EML5: variants seen among roughly 807,000 people sequenced by gnomAD.
EML5 encodes echinoderm microtubule-associated protein-like 5.
A neutral mutation model predicts 250.0 loss-of-function variants in EML5; 120 were observed. That is an observed-to-expected ratio of 0.48 (90% confidence interval 0.41 to 0.56). EML5 has a LOEUF of 0.56. Among genes scored for constraint, EML5 ranks in the 20% least tolerant of loss-of-function variants. The pLI is 0.00. For synonymous variants in EML5, 771 were observed against 806.5 expected (o/e 0.96, Z 0.75); for missense variants, 2,006 against 2,437.6 (o/e 0.82, Z 3.73).
intron 7 of EML5, among the ~76,000 whole-genome samples, chr14:88,729,525 A>G (rs1442530068): frequency 6.6e-6 from 1 of 152,120 alleles, no homozygotes; most frequent in African/African-American, 2.4e-5. Flanking sequence ...CTGTAAATAA[A>G]GTTTTATGGA....
rs140639130 is a variant in EML5, at chr14:88,615,946, T to C, written c.5898-92A>G. The stretch of plus-strand genomic sequence containing the variant: ...TTTTCAGTTGTGCTTTCAGGTTACA[T>C]GTGTAATATTTTTCCTCTTTAACTC... On this transcript the variant is annotated intron_variant, in intron 43 of 43. Coordinates refer to ENST00000554922, the MANE Select transcript of EML5 (RefSeq NM_183387.3). 292 of 1,427,450 alleles carry C rather than the reference T, an allele frequency of 2.0e-4. No individual in the cohort carries two copies. The African/African-American group carries it at 3.8e-3, about 19-fold the overall frequency. 88.4% of individuals were successfully genotyped at this position (1,427,450 alleles called of 1,614,324 possible). A position where few individuals can be genotyped will look rare whatever the true frequency, so the allele number is the denominator to read the frequency against.
intron 1 of EML5, among the ~76,000 whole-genome samples, chr14:88,766,803 A>G (rs2094326240): frequency 6.6e-6 from 1 of 152,108 alleles, no homozygotes; most frequent in South Asian, 2.1e-4. Context: ...TGTCTCCCCC[A>G]GACACCCAGC....
Position 88,684,978 on chromosome 14 carries a change from T to C in EML5, c.2982+37A>G, listed in dbSNP as rs74793307. The C allele has an allele frequency of 4.1e-3, 6,423 of 1,568,096 alleles. 196 individuals carry two copies. The African/African-American group carries it at 0.068, about 16-fold the overall frequency. On this transcript the variant is annotated intron_variant, in intron 20 of 43. Coordinates refer to ENST00000554922, the MANE Select transcript of EML5 (RefSeq NM_183387.3). ...TTATATATTGAAATAATCAATTGTA[T>C]GTAAAGAAAAAAAAACAAATTAGCA...
chr14:88,740,700 A>G, intron 4 of EML5, 128 bp from the exon 5 acceptor site: 1 of 741,294 alleles, frequency 1.3e-6, no homozygotes, highest in East Asian at 2.7e-5. Flanking sequence ...CTTATGATAA[A>G]ATAGCATTCA....
At chr14:88,695,543 AT>A in intron 15 of EML5, 89 bp from the exon 16 acceptor site, 1 of 1,207,562 alleles carries the variant, frequency 8.3e-7, no homozygotes, top group East Asian at 2.6e-5. Context: ...CACATCCTAT[AT>A]TTAAAATTTG....
intron 32 of EML5, among the ~76,000 whole-genome samples, chr14:88,638,597 T>C (rs1244926198): frequency 6.6e-6 from 1 of 152,218 alleles, no homozygotes; most frequent in Non-Finnish European, 1.5e-5. Context: ...CCTTTAAATT[T>C]TGGATTGTCA....
Position 88,695,578 on chromosome 14 carries a change from C to T in EML5, c.2345-124G>A, listed in dbSNP as rs528725156. 39 of 877,188 alleles carry T rather than the reference C, an allele frequency of 4.4e-5. No individual in the cohort carries two copies. In the East Asian group the frequency reaches 8.6e-4, roughly 19 times the overall value. 54.3% of individuals were successfully genotyped at this position (877,188 alleles called of 1,614,324 possible). On this transcript the variant is annotated intron_variant, in intron 15 of 43. Transcript: ENST00000554922. The stretch of plus-strand genomic sequence containing the variant: ...TGATAAAATAATGTTAAATGTTAGG[C>T]ATGCATACACCTATAAAAAGAACCA...
rs772301117 is a variant in EML5, at chr14:88,738,952, A to G, written c.774T>C (p.Cys258=). ...TAAAAGTTAAATCCCAAAGACGAAT[A>G]CAACCATCTCTGCCACCAGTAGCAA... ...EGFATGGRDG[C]IRLWDLTFKP... is the part of the protein sequence containing the mutation. Residue 258 remains cysteine (C), a synonymous_variant, in exon 6 of 44, where the codon TGT becomes TGC. Transcript: ENST00000554922. The G allele has an allele frequency of 1.2e-6, 2 of 1,607,720 alleles. No homozygotes were observed. The highest frequency in any genetic ancestry group is 1.7e-4 in the Middle Eastern group (1 of 6,058).
chr14:88,638,693 C>T (rs1388594025), intron 32 of EML5, 116 bp downstream of exon 32: 1 of 876,032 alleles, frequency 1.1e-6, no homozygotes, highest in Non-Finnish European at 1.8e-6. Flanking sequence ...TTTATGTATA[C>T]ATAGATTTTG....
chr14:88,685,213 T>C (rs2141211806), intron 19 of EML5, 71 bp from the exon 20 acceptor site: 2 of 1,292,144 alleles, frequency 1.5e-6, no homozygotes, highest in South Asian at 1.8e-5. Context: ...ATATTGCCAA[T>C]TAAGCTATTT....
chr14:88,750,896 CACAAG>C (rs944363822), intron 2 of EML5, among the ~76,000 whole-genome samples: 3 of 152,156 alleles, frequency 2.0e-5, no homozygotes, highest in African/African-American at 7.2e-5. Context: ...GTTAAAATTT[CACAAG>C]ACAAGTATAT....
chr14:88,658,793 AAAGT>A (rs1198313762), intron 25 of EML5, among the ~76,000 whole-genome samples: 3 of 151,110 alleles, frequency 2.0e-5, no homozygotes, highest in Admixed American at 1.3e-4. Context: ...TTAAATGTTC[AAAGT>A]AATAGTTAAT....
chr14:88,687,573 C>G (rs2092861525), intron 18 of EML5, among the ~76,000 whole-genome samples: 1 of 152,020 alleles, frequency 6.6e-6, no homozygotes, highest in South Asian at 2.1e-4. Flanking sequence ...TTTCTAAAAT[C>G]TGTAACTATA....
rs776914960 is a variant in EML5, at chr14:88,661,761, T to C, written c.3568A>G (p.Ile1190Val). ...GCAGTTACATCTGTAACTTCTCCAATTACTGGCCAAATTCCTTCACAGCAT... is the reference window on the plus strand; with the variant it reads ...GCAGTTACATCTGTAACTTCTCCAACTACTGGCCAAATTCCTTCACAGCAT... ...GLCCEGIWPV[I>V]GEVTDVTASC... Residue 1190 changes from isoleucine to valine, a missense_variant, in exon 25 of 44, where the codon ATT becomes GTT. Around this residue, in one of 7 missense-constraint regions of EML5, gnomAD observed 1,375 missense variants for 1,590.3 expected, o/e 0.86. Coordinates refer to ENST00000554922, the MANE Select transcript of EML5 (RefSeq NM_183387.3). The C allele has an allele frequency of 6.2e-7, 1 of 1,613,752 alleles. No individual in the cohort carries two copies. Among genetic ancestry groups the C allele is most frequent in the South Asian group, 1.1e-5 (1 of 91,058 alleles).
At chr14:88,767,818 T>A (rs1396998066) in intron 1 of EML5, among the ~76,000 whole-genome samples, 3 of 152,194 alleles carry the variant, frequency 2.0e-5, no homozygotes, top group African/African-American at 7.2e-5. Flanking sequence ...AACCATATAG[T>A]AATCGGGAAG....
chr14:88,619,038 T>C, intron 39 of EML5: 1 of 367,958 alleles, frequency 2.7e-6, no homozygotes, highest in African/African-American at 2.1e-5. Flanking sequence ...AATTGTCATC[T>C]CCCAATTCCT....
chr14:88,736,381 A>G lies in EML5; in HGVS notation c.1032T>C (p.Ser344=). The G allele has an allele frequency of 1.2e-6, 2 of 1,613,988 alleles. No individual in the cohort carries two copies. Among genetic ancestry groups the G allele is most frequent in the Non-Finnish European group, 1.7e-6 (2 of 1,179,876 alleles). The stretch of plus-strand genomic sequence containing the variant: ...TTGCTTACCTGACCGAACGATCATC[A>G]CTTCCAGTCACAGCCAAAGGTTTAG... ...HPTKPLAVTG[S]DDRSVRIWSL... Residue 344 remains serine (S), a synonymous_variant, in exon 7 of 44, where the codon AGT becomes AGC. Transcript: ENST00000554922.
rs1470200057 is a variant in EML5 at position 88,658,270 on chromosome 14, A to G, written c.3794T>C (p.Val1265Ala). The G allele has an allele frequency of 6.2e-7, 1 of 1,613,752 alleles. No individual in the cohort carries two copies. Among genetic ancestry groups the G allele is most frequent in the Admixed American group, 1.7e-5 (1 of 59,978 alleles). ...ATAGCCTTCCATCTCATTTGTCCAC[A>G]CCATTAAAGACATATCTGTACCGCC... The part of the protein sequence containing the change: ...TLGGTDMSLM[V>A]WTNEMEGYRE... The change falls in exon 26 of 44, where the codon GTG (valine) becomes GCG (alanine). Residue 1265 changes from valine to alanine, a missense_variant. By Grantham distance (64) the Val-to-Ala change is moderately conservative. This residue lies in a region of EML5 where 1,375 missense variants were observed against 1,590.3 expected (regional missense o/e 0.86). Transcript: ENST00000554922.
chr14:88,718,603 G>C (rs1312827301), intron 8 of EML5, among the ~76,000 whole-genome samples: 1 of 152,178 alleles, frequency 6.6e-6, no homozygotes, highest in Non-Finnish European at 1.5e-5. Flanking sequence ...TAGGGACATA[G>C]GGTACAATTA....
Sources: gnomAD v4.1 joint callset for allele counts (sites outside exome capture counted in the v4.1 genomes callset) on GRCh38, gnomAD v4.1.1 for gene constraint, gnomAD v4.1.1 regional missense constraint, MANE v1.5 for transcripts, NCBI Gene and HGNC (gene_info 2026-07-23, HGNC 2026-07-21) for gene names.